FAM227B: variants seen among roughly 807,000 people sequenced by gnomAD.
FAM227B encodes protein FAM227B.
FAM227B carries 88 observed loss-of-function variants against 73.8 expected under a neutral mutation model. That is an observed-to-expected ratio of 1.19 (90% CI 1.00 to 1.42). The LOEUF is 1.42. Ranked by LOEUF, FAM227B falls within the 40% of genes most tolerant of loss-of-function variation. The probability of loss-of-function intolerance (pLI) is 0.00; values close to 1 mark genes in which losing one functional copy is unlikely to be tolerated. For synonymous variants in FAM227B, 210 were observed against 190.5 expected (o/e 1.10, Z -0.84); for missense variants, 632 against 590.9 (o/e 1.07, Z -0.72).
intron 13 of FAM227B, among the ~76,000 whole-genome samples, chr15:49,351,656 C>T (rs2042263200): frequency 6.6e-6 from 1 of 152,128 alleles, no homozygotes; most frequent in African/African-American, 2.4e-5. Flanking sequence ...TATTTGAGTG[C>T]TCTTGGAATC....
At chr15:49,498,827 T>G (rs1038993352) in intron 11 of FAM227B, among the ~76,000 whole-genome samples, 1 of 152,096 alleles carries the variant, frequency 6.6e-6, no homozygotes, top group Non-Finnish European at 1.5e-5. Context: ...TATTCTTATA[T>G]CAGACAAAAC....
intron 7 of FAM227B, chr15:49,576,450 C>T (rs1343600859): frequency 4.4e-6 from 1 of 227,576 alleles, no homozygotes; most frequent in East Asian, 1.2e-4. Context: ...GCTAAAACAT[C>T]CTGAGCTGAC....
chr15:49,591,020 CTT>C (rs913958003), intron 3 of FAM227B, among the ~76,000 whole-genome samples: 4 of 106,900 alleles, frequency 3.7e-5, no homozygotes, highest in Non-Finnish European at 7.8e-5. Context: ...TTCTCTTTCT[CTT>C]TTTTTTGTTT....
rs140782255 is a variant in FAM227B at position 49,497,250 on chromosome 15, T to C, written c.1012+10961A>G. On this transcript the variant is annotated intron_variant, in intron 11 of 15. Transcript: ENST00000299338. ...AGATGAAACATTAGGGACTATAGTATAGGAAAGCCTCCAAACAAAAGCATA... is the reference window on the plus strand; with the variant it reads ...AGATGAAACATTAGGGACTATAGTACAGGAAAGCCTCCAAACAAAAGCATA... Among the ~76,000 whole-genome samples the C allele has an allele frequency of 4.6e-5, 7 of 152,300 alleles. No homozygotes were observed. In the East Asian group the frequency reaches 1.4e-3, roughly 29 times the overall value.
chr15:49,468,973 T>C (rs893788161), intron 11 of FAM227B, among the ~76,000 whole-genome samples: 2 of 152,200 alleles, frequency 1.3e-5, no homozygotes, highest in African/African-American at 4.8e-5. Context: ...CTAAAGGTCA[T>C]TTGCTTATGT....
chr15:49,363,994 A>C (rs571813108), intron 13 of FAM227B, among the ~76,000 whole-genome samples: 1 of 152,262 alleles, frequency 6.6e-6, no homozygotes, highest in East Asian at 1.9e-4. Flanking sequence ...TTGCTTTTTG[A>C]CATGCTGCTG....
chr15:49,570,409 G>A (rs1446038490), intron 8 of FAM227B, among the ~76,000 whole-genome samples: 1 of 151,788 alleles, frequency 6.6e-6, no homozygotes, highest in African/African-American at 2.4e-5. Flanking sequence ...TAGTGATGTT[G>A]AGCAGTTTTT....
intron 11 of FAM227B, among the ~76,000 whole-genome samples, chr15:49,409,808 C>T (rs2048755874): frequency 6.6e-6 from 1 of 151,886 alleles, no homozygotes. Flanking sequence ...AAAATAATGC[C>T]AACTTAATAT....
At chr15:49,576,941 T>C in intron 6 of FAM227B, 96 bp from the exon 7 acceptor site, 1 of 651,868 alleles carries the variant, frequency 1.5e-6, no homozygotes, top group East Asian at 2.8e-5. Context: ...TAACTATCAC[T>C]CACTAACATA....
chr15:49,337,837 A>G (rs984407629), intron 13 of FAM227B, among the ~76,000 whole-genome samples: 1 of 152,004 alleles, frequency 6.6e-6, no homozygotes, highest in Non-Finnish European at 1.5e-5. Flanking sequence ...TGTCCCTGCA[A>G]TGTTTTTTAT....
intron 11 of FAM227B, among the ~76,000 whole-genome samples, chr15:49,476,344 AG>A (rs1160001621): frequency 6.6e-6 from 1 of 151,600 alleles, no homozygotes; most frequent in African/African-American, 2.4e-5. Flanking sequence ...ATATCCAGAT[AG>A]GATATCATAA....
chr15:49,345,032 T>G (rs1354260791), intron 13 of FAM227B, among the ~76,000 whole-genome samples: 1 of 152,228 alleles, frequency 6.6e-6, no homozygotes, highest in Non-Finnish European at 1.5e-5. Flanking sequence ...CTGCTACTAT[T>G]TAATTTCTTC....
At chr15:49,397,713 AT>A (rs1207027791) in intron 11 of FAM227B, among the ~76,000 whole-genome samples, 4 of 152,196 alleles carry the variant, frequency 2.6e-5, no homozygotes, top group Non-Finnish European at 4.4e-5. Flanking sequence ...AAAGAAAAGA[AT>A]TTTCAACCCA....
intron 14 of FAM227B, among the ~76,000 whole-genome samples, chr15:49,333,687 C>G (rs560525214): frequency 6.6e-6 from 1 of 152,166 alleles, no homozygotes; most frequent in African/African-American, 2.4e-5. Flanking sequence ...TGAAGTGTGA[C>G]TGGCACAAAG....
At chr15:49,559,052 T>G (rs1354918) in intron 9 of FAM227B, among the ~76,000 whole-genome samples, 27,834 of 151,414 alleles carry the variant, frequency 0.18, 3,154 homozygotes, top group Non-Finnish European at 0.25. Flanking sequence ...CCACAGAGAG[T>G]CACAAAACAG....
intron 9 of FAM227B, among the ~76,000 whole-genome samples, chr15:49,559,876 A>C (rs1479500898): frequency 6.6e-6 from 1 of 152,086 alleles, no homozygotes; most frequent in Non-Finnish European, 1.5e-5. Context: ...TGGAGACTGC[A>C]GTTGAGCTGA....
chr15:49,353,103 G>A (rs2042492725), intron 13 of FAM227B, among the ~76,000 whole-genome samples: 1 of 152,164 alleles, frequency 6.6e-6, no homozygotes, highest in Non-Finnish European at 1.5e-5. Context: ...CATCATTTCA[G>A]GGAAAAATGG....
chr15:49,465,716 CTTAT>C (rs1331489697), intron 11 of FAM227B, among the ~76,000 whole-genome samples: 1 of 152,088 alleles, frequency 6.6e-6, no homozygotes. Context: ...GAATTTTGTG[CTTAT>C]TTAATTAAAC....
chr15:49,495,310 A>C (rs1009827613), intron 11 of FAM227B, among the ~76,000 whole-genome samples: 6 of 152,302 alleles, frequency 3.9e-5, no homozygotes, highest in African/African-American at 1.4e-4. Flanking sequence ...TGAAATATAC[A>C]TATTCTCCAA....
Sources: allele counts gnomAD v4.1 joint callset (sites outside exome capture counted in the v4.1 genomes callset), GRCh38; gene constraint gnomAD v4.1.1; transcripts MANE v1.5; gene names NCBI Gene and HGNC (gene_info 2026-07-23, HGNC 2026-07-21).